FER: variants seen among roughly 807,000 people sequenced by gnomAD.
The protein encoded by FER is FER tyrosine kinase.
Under a neutral mutation model 111.0 loss-of-function variants are expected in FER, and 63 were observed. The ratio of observed to expected loss-of-function variants is 0.57; its 90% CI spans 0.46 to 0.70. FER has a LOEUF of 0.70. FER is among the 30% of genes least tolerant of loss of function. The pLI, the probability that FER is intolerant of heterozygous loss-of-function variation, is 0.00. For synonymous variants in FER, 327 were observed against 313.9 expected, an observed-to-expected ratio of 1.04 and a Z score of -0.44; for missense variants, 914 against 954.0, an observed-to-expected ratio of 0.96 and a Z score of 0.55.
chr5:108,912,736 A>G (rs1037417498), intron 10 of FER, among the ~76,000 whole-genome samples: 4 of 152,182 alleles, frequency 2.6e-5, no homozygotes, highest in African/African-American at 9.7e-5. Context: ...GAAGAGCAAA[A>G]CAAGAAAGGA....
chr5:108,961,292 G>C (rs1362222414), intron 13 of FER, among the ~76,000 whole-genome samples: 2 of 152,142 alleles, frequency 1.3e-5, no homozygotes, highest in African/African-American at 4.8e-5. Flanking sequence ...GCTTAGCCAG[G>C]TCTAAATTGG....
intron 3 of FER, among the ~76,000 whole-genome samples, chr5:108,827,023 T>G (rs1256915232): frequency 2.0e-5 from 3 of 152,186 alleles, no homozygotes; most frequent in Admixed American, 1.3e-4. Flanking sequence ...TTAGATATTA[T>G]TCAATAGCAA....
chr5:109,059,977 T>C (rs1326508933), intron 16 of FER, among the ~76,000 whole-genome samples: 1 of 152,190 alleles, frequency 6.6e-6, no homozygotes, highest in Non-Finnish European at 1.5e-5. Flanking sequence ...ATCCATACAG[T>C]AAATAACTAT....
intron 9 of FER, among the ~76,000 whole-genome samples, chr5:108,884,523 G>GT (rs745314028): frequency 6.8e-6 from 1 of 146,026 alleles, no homozygotes; most frequent in Non-Finnish European, 1.5e-5. Context: ...TTTTTTTTTT[G>GT]TTTGTTTGTT....
chr5:108,949,326 A>G (rs1706679824), intron 11 of FER, among the ~76,000 whole-genome samples: 1 of 152,096 alleles, frequency 6.6e-6, no homozygotes, highest in South Asian at 2.1e-4. Context: ...AATAGTATAC[A>G]TTTTAAATAT....
chr5:108,918,174 A>C (rs1469040335), intron 10 of FER, among the ~76,000 whole-genome samples: 1 of 152,124 alleles, frequency 6.6e-6, no homozygotes, highest in Admixed American at 6.5e-5. Flanking sequence ...AACACTCTTA[A>C]ATAAAAGAAA....
intron 15 of FER, among the ~76,000 whole-genome samples, chr5:109,045,531 T>C (rs10043207): frequency 0.2 from 30,516 of 152,084 alleles, 3,193 homozygotes; most frequent in South Asian, 0.26. Context: ...ATCTAGTTTA[T>C]TTTTAGTTCA....
At chr5:108,793,817 A>G (rs191058374) in intron 2 of FER, among the ~76,000 whole-genome samples, 7 of 152,158 alleles carry the variant, frequency 4.6e-5, no homozygotes, top group African/African-American at 1.7e-4. Context: ...TGAGGTTACC[A>G]TGAAGCTTGC....
At chr5:109,023,420 C>T (rs903319113) in intron 13 of FER, among the ~76,000 whole-genome samples, 1 of 152,112 alleles carries the variant, frequency 6.6e-6, no homozygotes, top group Non-Finnish European at 1.5e-5. Context: ...CAAGTAGGCA[C>T]TTGGATACGT....
At position 108,814,382 on chromosome 5, in the gene FER, G is replaced by C. The variant is rs528513931; in HGVS notation, c.207+15993G>C. Among the ~76,000 whole-genome samples the C allele has an allele frequency of 1.1e-4, 16 of 152,268 alleles. No individual in the cohort carries two copies. In the East Asian group the frequency reaches 3.1e-3, roughly 29 times the overall value. On this transcript the variant is annotated intron_variant, in intron 3 of 19. Coordinates refer to ENST00000281092, the MANE Select transcript of FER (RefSeq NM_005246.4). The stretch of plus-strand genomic sequence containing the variant: ...TTATTAAGAAAGTAAAGTGGTGAAA[G>C]TACAGCTACTCCATACACAGGGGAG...
intron 17 of FER, among the ~76,000 whole-genome samples, chr5:109,140,937 A>C (rs1295885636): frequency 6.6e-6 from 1 of 152,192 alleles, no homozygotes; most frequent in East Asian, 1.9e-4. Flanking sequence ...GAAGTCTTCC[A>C]AGGTAAAATT....
At chr5:109,173,249 A>T (rs1413358301) in intron 17 of FER, among the ~76,000 whole-genome samples, 1 of 152,188 alleles carries the variant, frequency 6.6e-6, no homozygotes, top group Non-Finnish European at 1.5e-5. Context: ...TCCATAAGTG[A>T]TTCCCATTCA....
In FER at chr5:108,897,773, A is replaced by G. The variant is rs1237879809; in HGVS notation, c.1161A>G (p.Lys387=). 1 of 1,613,792 alleles carries G rather than the reference A, an allele frequency of 6.2e-7. No individual in the cohort carries two copies. Among genetic ancestry groups the G allele is most frequent in the Admixed American group, 1.7e-5 (1 of 59,978 alleles). Residue 387 remains lysine, a synonymous_variant, in exon 10 of 20, where the codon AAA becomes AAG. Coordinates refer to ENST00000281092, the MANE Select transcript of FER (RefSeq NM_005246.4). ...CACAGAAGGAATTACTAGAGCAAAA[A>G]GTGCAAGAAAATGATGGGAAAGAGC... The part of the protein sequence containing the change: ...FSAQKELLEQ[K]VQENDGKEPP...
intron 2 of FER, among the ~76,000 whole-genome samples, chr5:108,788,014 C>T (rs890438631): frequency 1.3e-5 from 2 of 152,198 alleles, no homozygotes; most frequent in Non-Finnish European, 2.9e-5. Context: ...GCCCTCCAGT[C>T]ACTACGCTGC....
At chr5:108,810,537 C>T (rs1289791180) in intron 3 of FER, among the ~76,000 whole-genome samples, 1 of 152,208 alleles carries the variant, frequency 6.6e-6, no homozygotes, top group African/African-American at 2.4e-5. Flanking sequence ...AGGAAACCTC[C>T]TCAGCCCCAA....
chr5:108,761,898 C>G (rs576013924), intron 1 of FER, among the ~76,000 whole-genome samples: 2 of 152,016 alleles, frequency 1.3e-5, no homozygotes, highest in African/African-American at 4.8e-5. Flanking sequence ...TACCTTATTT[C>G]TAGTATAATT....
At chr5:109,072,322 T>C (rs1431730797) in intron 16 of FER, among the ~76,000 whole-genome samples, 2 of 151,290 alleles carry the variant, frequency 1.3e-5, no homozygotes, top group Admixed American at 1.3e-4. Flanking sequence ...ATCTAATGTA[T>C]TAGGTTGGTG....
chr5:108,854,500 T>G (rs1207989232), intron 5 of FER, among the ~76,000 whole-genome samples: 1 of 152,188 alleles, frequency 6.6e-6, no homozygotes, highest in Admixed American at 6.5e-5. Flanking sequence ...TTACTCAAAT[T>G]TTTTGCTGCT....
At chr5:108,970,395 A>C (rs1380822047) in intron 13 of FER, among the ~76,000 whole-genome samples, 1 of 149,828 alleles carries the variant, frequency 6.7e-6, no homozygotes, top group Non-Finnish European at 1.5e-5. Flanking sequence ...TTTTTTTTGT[A>C]TTTTTTAGTA....
Sources: gnomAD v4.1 joint callset for allele counts (sites outside exome capture counted in the v4.1 genomes callset) on GRCh38, gnomAD v4.1.1 for gene constraint, MANE v1.5 for transcripts, NCBI Gene and HGNC (gene_info 2026-07-23, HGNC 2026-07-21) for gene names.